The following SSX3 variants were observed in gnomAD, a reference collection of about 807,000 sequenced individuals.
The protein encoded by SSX3 is SSX family member 3, also known as protein SSX3.
Under a neutral mutation model 14.8 loss-of-function variants are expected in SSX3, and 6 were observed. The ratio of observed to expected loss-of-function variants is 0.41; its 90% CI spans 0.22 to 0.80. The LOEUF (loss-of-function observed/expected upper bound fraction) is 0.80. Ranked by LOEUF, SSX3 falls within the 30% of genes least tolerant of loss-of-function variation. SSX3 has a pLI of 0.34. For missense variants in SSX3, 163 were observed against 152.2 expected, an observed-to-expected ratio of 1.07 and a Z score of -0.37; for synonymous variants, 55 against 52.9, an observed-to-expected ratio of 1.04 and a Z score of -0.18.
chrX:48,348,909 C>G (rs1325863486), intron 6 of SSX3, among the ~76,000 whole-genome samples: 12 of 111,773 alleles, frequency 1.1e-4, no homozygotes, highest in South Asian at 3.8e-4. Context: ...CAGGAGAAAC[C>G]TGTGAAGCTA....
At chrX:48,351,519 G>A (rs1267745516) in intron 5 of SSX3, among the ~76,000 whole-genome samples, 1 of 112,570 alleles carries the variant, frequency 8.9e-6, no homozygotes, top group African/African-American at 3.2e-5. Flanking sequence ...CCTATGGGGT[G>A]AAGCCCTAGT....
At chrX:48,352,069 C>T (rs2061265551) in intron 5 of SSX3, 31 bp downstream of exon 5, 1 of 1,202,583 alleles carries the variant, frequency 8.3e-7, no homozygotes, top group Admixed American at 2.2e-5. Flanking sequence ...GACAAAGGTT[C>T]TCTGGTCCTT....
At chrX:48,350,776 T>C (rs1462036414) in intron 5 of SSX3, among the ~76,000 whole-genome samples, 1 of 106,807 alleles carries the variant, frequency 9.4e-6, no homozygotes, top group Non-Finnish European at 1.9e-5. Flanking sequence ...TTTTTCTTTT[T>C]TTTTTTTTTT....
At chrX:48,352,667 T>C (rs1210896650) in intron 4 of SSX3, among the ~76,000 whole-genome samples, 12 of 112,506 alleles carry the variant, frequency 1.1e-4, no homozygotes, top group African/African-American at 3.2e-4. Flanking sequence ...CTTATAGTGA[T>C]TGCGGGAGAT....
rs1353191039 is a variant in SSX3, at chrX:48,346,981, G to T, written c.*59C>A. ...GGGGTCCACAGCCATGCCCATGTTCGTGAAAGGTCACCACGTTCTGCTTCT... is the reference window on the plus strand; with the variant it reads ...GGGGTCCACAGCCATGCCCATGTTCTTGAAAGGTCACCACGTTCTGCTTCT... On this transcript the variant is annotated 3_prime_UTR_variant, in exon 8 of 8. Coordinates refer to ENST00000298396, the MANE Select transcript of SSX3 (RefSeq NM_021014.4). 3.3e-6 allele frequency: 4 copies of T among 1,197,847 alleles called. No homozygotes were observed. The highest frequency in any genetic ancestry group is 4.5e-6 in the Non-Finnish European group (4 of 895,110).
At position 48,346,689 on chromosome X, in the gene SSX3, T is replaced by C; in HGVS notation, c.*351A>G. ...CTCAGAACTGCCCTCAGTAGTCACA[T>C]CTAGGGAGAGAGGAGGGTAATGCTG... On this transcript the variant is annotated 3_prime_UTR_variant, in exon 8 of 8. Coordinates refer to ENST00000298396, the MANE Select transcript of SSX3 (RefSeq NM_021014.4). 1 of 369,024 alleles carries C rather than the reference T, an allele frequency of 2.7e-6. No homozygotes were observed. The allele number at this position is 369,024 out of a possible 1,213,427, so 30.4% of individuals were successfully genotyped here. A position where few individuals can be genotyped will look rare whatever the true frequency, so the allele number is the denominator to read the frequency against.
At chrX:48,352,558 G>A (rs1452374225) in intron 4 of SSX3, among the ~76,000 whole-genome samples, 2 of 112,615 alleles carry the variant, frequency 1.8e-5, no homozygotes, top group Middle Eastern at 4.6e-3. Context: ...GGTGAACCAC[G>A]GATGATTTGG....
At chrX:48,354,916 A>G in intron 2 of SSX3, 170 bp from the exon 3 acceptor site, 1 of 753,871 alleles carries the variant, frequency 1.3e-6, no homozygotes, top group South Asian at 6.8e-5. Flanking sequence ...CACCCCTGCC[A>G]CACTGTCGGG....
chrX:48,347,516 T>C lies in SSX3; in HGVS notation c.555A>G (p.Glu185=). 1 of 1,210,330 alleles carries C rather than the reference T, an allele frequency of 8.3e-7. No individual in the cohort carries two copies. Among genetic ancestry groups the C allele is most frequent in the Non-Finnish European group, 1.1e-6 (1 of 895,250 alleles). Residue 185 remains glutamate, a synonymous_variant, in exon 7 of 8, where the codon GAA becomes GAG. Coordinates refer to ENST00000298396, the MANE Select transcript of SSX3 (RefSeq NM_021014.4). Reference sequence around the variant, plus strand: ...TTCTCTTACGGAGTTACTCATCATCTTCCTCAGGATCGCTGATCTCTTCAT... The same window carrying C: ...TTCTCTTACGGAGTTACTCATCATCCTCCTCAGGATCGCTGATCTCTTCAT... ...VIYEEISDPE[E]DDE
At chrX:48,354,476 G>C (rs3889065) in intron 3 of SSX3, among the ~76,000 whole-genome samples, 156 bp downstream of exon 3, 12,579 of 108,721 alleles carry the variant, frequency 0.12, 685 homozygotes, top group East Asian at 0.39. Context: ...GCCCTGACAG[G>C]ATATAGAAGA....
In SSX3 at chrX:48,350,094, C is replaced by T. The variant is rs367765277; in HGVS notation, c.359G>A (p.Gly120Glu). ...KIMPKKPAEE[G>E]NVSKEVPEAS... Reference sequence around the variant, plus strand: ...TTCTGGCACTTCCTTCGAAACATTTCCTTCCTCTGCTGGCTTCTTGGGCAT... The same window carrying T: ...TTCTGGCACTTCCTTCGAAACATTTTCTTCCTCTGCTGGCTTCTTGGGCAT... The change falls in exon 6 of 8, where the codon GGA (glycine) becomes GAA (glutamate). Residue 120 changes from glycine (G) to glutamate (E), a missense_variant. Transcript: ENST00000298396. 4 of 1,210,057 alleles carry T rather than the reference C, an allele frequency of 3.3e-6. No homozygotes were observed. The highest frequency in any genetic ancestry group is 3.0e-5 in the East Asian group (1 of 33,789).
chrX:48,354,377 G>A (rs782587144), intron 3 of SSX3, among the ~76,000 whole-genome samples: 1 of 108,583 alleles, frequency 9.2e-6, no homozygotes, highest in South Asian at 4.2e-4. Context: ...ATGCCACAGA[G>A]ACAGTTGGGC....
chrX:48,350,583 CAAGG>C (rs1486371357), intron 5 of SSX3, among the ~76,000 whole-genome samples: 2 of 109,967 alleles, frequency 1.8e-5, no homozygotes, highest in African/African-American at 6.6e-5. Context: ...GAGATGAACA[CAAGG>C]AAGGGAGAGG....
intron 6 of SSX3, 145 bp downstream of exon 6, chrX:48,349,842 G>A (rs1427438393): frequency 1.7e-6 from 2 of 1,147,594 alleles, no homozygotes; most frequent in Admixed American, 6.0e-5. Context: ...TGGAAGTCAT[G>A]TCTAACATCT....
chrX:48,354,322 AG>A (rs1285739258), intron 3 of SSX3, among the ~76,000 whole-genome samples: 1 of 106,675 alleles, frequency 9.4e-6, no homozygotes, highest in East Asian at 2.9e-4. Flanking sequence ...AGCCGAGAGA[AG>A]GTAGAGTGGG....
Position 48,346,846 on chromosome X carries a change from A to C in SSX3, c.*194T>G, listed in dbSNP as rs2061241411. ...ATCTAACAGAATGACACACTTCAAG[A>C]AAATACAATGGAAACGCTAATATCG... On this transcript the variant is annotated 3_prime_UTR_variant, in exon 8 of 8. Coordinates refer to ENST00000298396, the MANE Select transcript of SSX3 (RefSeq NM_021014.4). The C allele has an allele frequency of 1.4e-6, 1 of 723,970 alleles. No homozygotes were observed. The highest frequency in any genetic ancestry group is 2.1e-5 in the African/African-American group (1 of 47,464). 59.7% of individuals were successfully genotyped at this position (723,970 alleles called of 1,213,427 possible).
chrX:48,353,664 C>G (rs1223022492), intron 4 of SSX3, among the ~76,000 whole-genome samples: 1 of 111,383 alleles, frequency 9.0e-6, no homozygotes, highest in African/African-American at 3.3e-5. Context: ...CAACAAGTCA[C>G]AGCTGAAGCT....
intron 3 of SSX3, among the ~76,000 whole-genome samples, 174 bp from the exon 4 acceptor site, chrX:48,354,268 A>G (rs2061275894): frequency 9.8e-6 from 1 of 102,530 alleles, no homozygotes; most frequent in Non-Finnish European, 2.0e-5. Context: ...TAGGTGACAG[A>G]TTCAGACTGA....
intron 6 of SSX3, among the ~76,000 whole-genome samples, chrX:48,348,869 C>G (rs1319769441): frequency 7.1e-5 from 8 of 112,114 alleles, no homozygotes; most frequent in Admixed American, 3.8e-4. Flanking sequence ...CTCTTCAAAT[C>G]CATGAAAGCT....
Sources: gnomAD v4.1 joint callset for allele counts (sites outside exome capture counted in the v4.1 genomes callset) on GRCh38, gnomAD v4.1.1 for gene constraint, MANE v1.5 for transcripts, NCBI Gene and HGNC (gene_info 2026-07-23, HGNC 2026-07-21) for gene names.